GLI3: variants seen among roughly 807,000 people sequenced by gnomAD.
GLI3 encodes the protein transcription activator GLI3.
A neutral mutation model predicts 100.8 loss-of-function variants in GLI3; 20 were observed. The observed-to-expected ratio is 0.20, with a 90% CI of 0.14 to 0.29. The LOEUF (loss-of-function observed/expected upper bound fraction) is 0.29, where lower values mean the gene tolerates loss of function less well. GLI3 is among the 10% of genes least tolerant of loss of function. GLI3 has a pLI of 1.00. For synonymous variants in GLI3, 938 were observed against 860.5 expected (o/e 1.09, Z -1.58); for missense variants, 2,040 against 2,128.5 (o/e 0.96, Z 0.82).
chr7:42,102,581 G>C (rs545964468), intron 3 of GLI3, among the ~76,000 whole-genome samples: 2 of 152,216 alleles, frequency 1.3e-5, no homozygotes, highest in Non-Finnish European at 2.9e-5. Flanking sequence ...CCCAGCCACC[G>C]AGCAGCTGTA....
chr7:42,206,128 CGTGGTG>C (rs1788146617), intron 2 of GLI3, among the ~76,000 whole-genome samples: 1 of 151,890 alleles, frequency 6.6e-6, no homozygotes. Context: ...ATTAGCCAGG[CGTGGTG>C]GTGCATGCCT....
chr7:42,212,111 C>T (rs1404996109), intron 2 of GLI3, among the ~76,000 whole-genome samples: 5 of 152,178 alleles, frequency 3.3e-5, no homozygotes, highest in Non-Finnish European at 7.3e-5. Flanking sequence ...CTCCCTCTTG[C>T]TTTTTATTTT....
In GLI3 at chr7:42,188,002, C is replaced by CA. The variant is rs56140906; in HGVS notation, c.124+35127dup. 3.0e-3 allele frequency among the ~76,000 whole-genome samples: 256 copies of CA among 85,290 alleles called. 9 individuals carry two copies. Among genetic ancestry groups the CA allele is most frequent in the East Asian group, 0.017 (58 of 3,426 alleles). The allele number at this position is 85,290 out of a possible 152,430, so 56.0% of individuals were successfully genotyped here. A position where few individuals can be genotyped will look rare whatever the true frequency, so the allele number is the denominator to read the frequency against. On this transcript the variant is annotated intron_variant, in intron 2 of 14. Coordinates refer to ENST00000395925, the MANE Select transcript of GLI3 (RefSeq NM_000168.6). ...TGGGCGACAGAGTGAGACTCCATCT[C>CA]AAAAAAAAAAAAAAAATAGGCCAGC...
intron 4 of GLI3, among the ~76,000 whole-genome samples, chr7:42,064,360 A>T (rs1583524442): frequency 6.6e-6 from 1 of 152,208 alleles, no homozygotes; most frequent in East Asian, 1.9e-4. Flanking sequence ...CATTTAATTA[A>T]TTTATTTTGT....
chr7:42,029,001 A>G (rs1366396553), intron 7 of GLI3, among the ~76,000 whole-genome samples: 1 of 152,204 alleles, frequency 6.6e-6, no homozygotes, highest in African/African-American at 2.4e-5. Flanking sequence ...TGACGGGAAT[A>G]AATGTTCTCT....
chr7:42,188,787 G>A (rs552656494), intron 2 of GLI3, among the ~76,000 whole-genome samples: 32 of 152,270 alleles, frequency 2.1e-4, no homozygotes, highest in East Asian at 5.8e-4. Context: ...TCTGGAAAAC[G>A]CAAAACTGTG....
chr7:41,992,176 G>A (rs538981645), intron 10 of GLI3, among the ~76,000 whole-genome samples: 4 of 152,230 alleles, frequency 2.6e-5, no homozygotes, highest in Non-Finnish European at 5.9e-5. Context: ...AATCATCCAA[G>A]AAAGCTGTGA....
At chr7:42,176,421 G>C (rs1048540690) in intron 2 of GLI3, among the ~76,000 whole-genome samples, 1 of 151,582 alleles carries the variant, frequency 6.6e-6, no homozygotes, top group South Asian at 2.1e-4. Flanking sequence ...CTTCTCTAAC[G>C]CCACCCAGGT....
At chr7:42,140,254 G>T (rs188699865) in intron 3 of GLI3, among the ~76,000 whole-genome samples, 2 of 152,116 alleles carry the variant, frequency 1.3e-5, no homozygotes, top group African/African-American at 4.8e-5. Flanking sequence ...TTGACTTTTC[G>T]ATGGCCTAAA....
intron 10 of GLI3, among the ~76,000 whole-genome samples, chr7:42,019,066 A>G (rs1788855829): frequency 6.6e-6 from 1 of 152,192 alleles, no homozygotes; most frequent in Admixed American, 6.5e-5. Context: ...CTTACACAGA[A>G]ATACGGGGTT....
At chr7:42,183,131 T>C (rs1314606458) in intron 2 of GLI3, among the ~76,000 whole-genome samples, 2 of 151,920 alleles carry the variant, frequency 1.3e-5, no homozygotes, top group African/African-American at 4.8e-5. Context: ...GGCTGAGGCA[T>C]GAGAATCGCT....
At position 41,966,925 on chromosome 7, in the gene GLI3, TAAACA is replaced by T. The variant is rs1787201867; in HGVS notation, c.2432-289_2432-285del. Reference sequence around the variant, plus strand: ...GGCTGTAGTTTGCTGATGCCTGGCTTAAACAAAACAATAACAACTCCCTCGATTCA... The same window carrying T: ...GGCTGTAGTTTGCTGATGCCTGGCTTAAACAATAACAACTCCCTCGATTCA... On this transcript the variant is annotated intron_variant, in intron 14 of 14. Transcript: ENST00000395925. The surrounding 1 kb of genome is among the most constrained non-coding windows in gnomAD (Gnocchi z 5.8). 6.6e-6 allele frequency among the ~76,000 whole-genome samples: 1 copy of T among 152,090 alleles called. No individual in the cohort carries two copies. The highest frequency in any genetic ancestry group is 6.5e-5 in the Admixed American group (1 of 15,270).
At position 41,961,465 on chromosome 7, in the gene GLI3, A is replaced by T. The variant is rs534924307; in HGVS notation, c.*2865T>A. The T allele has an allele frequency of 2.6e-5, 4 of 152,792 alleles. No individual in the cohort carries two copies. The highest frequency in any genetic ancestry group is 7.2e-5 in the African/African-American group (3 of 41,582). 9.5% of individuals were successfully genotyped at this position (152,792 alleles called of 1,614,324 possible). A position where few individuals can be genotyped will look rare whatever the true frequency, so the allele number is the denominator to read the frequency against. ...ACAAGATTAACATAAAATAAGGCAC[A>T]TACATCGCAAGAATCAAAACTTTGT... On this transcript the variant is annotated 3_prime_UTR_variant, in exon 15 of 15. Coordinates refer to ENST00000395925, the MANE Select transcript of GLI3 (RefSeq NM_000168.6).
At chr7:42,142,368 G>C (rs1433034052) in intron 3 of GLI3, among the ~76,000 whole-genome samples, 2 of 152,154 alleles carry the variant, frequency 1.3e-5, no homozygotes, top group Non-Finnish European at 2.9e-5. Context: ...GACTGGACCA[G>C]TGCACTAAGG....
At chr7:42,221,712 A>T (rs115169411) in intron 2 of GLI3, among the ~76,000 whole-genome samples, 3,123 of 152,324 alleles carry the variant, frequency 0.021, 103 homozygotes, top group African/African-American at 0.071. Flanking sequence ...CTATTTCTGA[A>T]ATAATAAATT....
In GLI3 at chr7:42,086,294, G is replaced by A. The variant is rs571133796; in HGVS notation, c.368-9437C>T. 2.6e-5 allele frequency among the ~76,000 whole-genome samples: 4 copies of A among 152,224 alleles called. No individual in the cohort carries two copies. In the East Asian group the frequency reaches 5.8e-4, roughly 22 times the overall value. The stretch of plus-strand genomic sequence containing the variant: ...AACTGACCTTCTCCAGTGTTACAGG[G>A]GGAGACAGTAGTAGAGCTGTGTGTC... On this transcript the variant is annotated intron_variant, in intron 3 of 14. Transcript: ENST00000395925.
chr7:41,979,900 G>A (rs941253786), intron 10 of GLI3, among the ~76,000 whole-genome samples: 6 of 152,130 alleles, frequency 3.9e-5, no homozygotes, highest in African/African-American at 7.2e-5. Flanking sequence ...CTCCTAAAGC[G>A]GTGGTCGCTG....
rs2128731101 is a variant in GLI3, at chr7:42,024,233, G to C, written c.1357-625C>G. 2.0e-5 allele frequency among the ~76,000 whole-genome samples: 3 copies of C among 152,306 alleles called. No individual in the cohort carries two copies. The South Asian group carries it at 6.2e-4, about 32-fold the overall frequency. On this transcript the variant is annotated intron_variant, in intron 9 of 14. Coordinates refer to ENST00000395925, the MANE Select transcript of GLI3 (RefSeq NM_000168.6). Reference sequence around the variant, plus strand: ...AGGGCCCAGGGGCCACAGCATCAAAGCTCAGGGGCACAGTCCTTCCTAAAC... The same window carrying C: ...AGGGCCCAGGGGCCACAGCATCAAACCTCAGGGGCACAGTCCTTCCTAAAC...
chr7:42,009,485 T>C (rs1378786899), intron 10 of GLI3, among the ~76,000 whole-genome samples: 3 of 142,374 alleles, frequency 2.1e-5, no homozygotes, highest in South Asian at 2.1e-4. Context: ...TTGTTCTTTT[T>C]TTTTTTTTTT....
Sources: gnomAD v4.1 joint callset for allele counts (sites outside exome capture counted in the v4.1 genomes callset) on GRCh38, gnomAD v4.1.1 for gene constraint, Gnocchi (gnomAD v3.1) non-coding constraint, MANE v1.5 for transcripts, NCBI Gene and HGNC (gene_info 2026-07-23, HGNC 2026-07-21) for gene names.